The following SLC46A2 variants were observed in gnomAD, a reference collection of about 807,000 sequenced individuals.
SLC46A2 encodes thymic stromal co-transporter.
SLC46A2 carries 25 observed loss-of-function variants against 33.1 expected under a neutral mutation model. That is an observed-to-expected ratio of 0.76 (90% CI 0.55 to 1.06). SLC46A2 has a LOEUF of 1.06. Among genes scored for constraint, SLC46A2 ranks in the 50% least tolerant of loss-of-function variants. SLC46A2 has a pLI of 0.00. For missense variants in SLC46A2, 622 were observed against 621.7 expected, an observed-to-expected ratio of 1.00 and a Z score of 0.00; for synonymous variants, 254 against 275.9, an observed-to-expected ratio of 0.92 and a Z score of 0.79.
At chr9:112,886,730 C>T in intron 2 of SLC46A2, 114 bp from the exon 3 acceptor site, 2 of 1,106,748 alleles carry the variant, frequency 1.8e-6, no homozygotes, top group Admixed American at 2.4e-5. Flanking sequence ...CTCTCTCTCT[C>T]TCTCTTTTTT....
chr9:112,890,836 GCCGGCC>G lies in SLC46A2; in HGVS notation c.-161_-156del. ...AGTGTGCTCCGTGCGCCGGGAGCGC[GCCGGCC>G]AGTGGCGAGCAGAGCCAGGGCACGC... On this transcript the variant is annotated 5_prime_UTR_variant, in exon 1 of 4. Coordinates refer to ENST00000374228, the MANE Select transcript of SLC46A2 (RefSeq NM_033051.4). This position sits in a 1 kb window ranked among gnomAD's most constrained non-coding sequence, Gnocchi z 6.0. The G allele has an allele frequency of 2.5e-4, 228 of 914,898 alleles. No homozygotes were observed. The highest frequency in any genetic ancestry group is 3.4e-4 in the Non-Finnish European group (210 of 626,522). 56.7% of individuals were successfully genotyped at this position (914,898 alleles called of 1,614,324 possible). A position where few individuals can be genotyped will look rare whatever the true frequency, so the allele number is the denominator to read the frequency against.
chr9:112,882,685 G>T (rs1841595546), intron 3 of SLC46A2, among the ~76,000 whole-genome samples: 1 of 152,242 alleles, frequency 6.6e-6, no homozygotes, highest in African/African-American at 2.4e-5. Context: ...TGATTGATTG[G>T]AGGTGGGGGG....
chr9:112,879,967 AC>A, intron 3 of SLC46A2, 148 bp from the exon 4 acceptor site: 1 of 616,274 alleles, frequency 1.6e-6, no homozygotes. Context: ...GTGCACTGTG[AC>A]CCATCTCCCT....
chr9:112,886,654 T>A, intron 2 of SLC46A2, 38 bp from the exon 3 acceptor site: 1 of 1,610,446 alleles, frequency 6.2e-7, no homozygotes. Flanking sequence ...AGTGCCTTGC[T>A]GTCCCTGCCT....
rs770440273 is a variant in SLC46A2, at chr9:112,886,569, C to G, written c.1261G>C (p.Val421Leu). ...LQLSLALTGV[V>L]TSTLYNKIYQ... ...ATCTTGTTGTACAAGGTGGATGTCA[C>G]CACGCCGGTCAGAGCCAAGGACAGC... Residue 421 changes from valine (V) to leucine (L), a missense_variant, in exon 3 of 4, where the codon GTG becomes CTG. By Grantham distance (32) the Val-to-Leu change is conservative. Transcript: ENST00000374228. 1.2e-6 allele frequency: 2 copies of G among 1,613,988 alleles called. No homozygotes were observed. The highest frequency in any genetic ancestry group is 2.7e-5 in the African/African-American group (2 of 74,908).
At chr9:112,882,477 T>G (rs1350270661) in intron 3 of SLC46A2, among the ~76,000 whole-genome samples, 1 of 152,180 alleles carries the variant, frequency 6.6e-6, no homozygotes, top group Admixed American at 6.5e-5. Flanking sequence ...GGACATGACC[T>G]GATTCACACT....
chr9:112,887,304 C>A (rs763461530), intron 2 of SLC46A2, 26 bp downstream of exon 2: 2 of 1,606,750 alleles, frequency 1.2e-6, no homozygotes, highest in African/African-American at 2.7e-5. Context: ...GCAGAAGATT[C>A]CAGAGAGATT....
chr9:112,889,217 A>T (rs1841688910), intron 1 of SLC46A2, among the ~76,000 whole-genome samples: 1 of 152,078 alleles, frequency 6.6e-6, no homozygotes, highest in Non-Finnish European at 1.5e-5. Flanking sequence ...TAAAATGGCA[A>T]GGGGGTGTGG....
At position 112,890,253 on chromosome 9, in the gene SLC46A2, G is replaced by A. The variant is rs918444046; in HGVS notation, c.429C>T (p.Asn143=). ...AGGCGGAGAAGCCGCCGAATAGCCC[G>A]TTCAGCGCCGCCGCCCCGTACAGCA... ...VEVLYGAAAL[N]GLFGGFSAFW... The change falls in exon 1 of 4, where the codon AAC becomes AAT. Residue 143 remains asparagine, a synonymous_variant. Coordinates refer to ENST00000374228, the MANE Select transcript of SLC46A2 (RefSeq NM_033051.4). The surrounding 1 kb of genome is among the most constrained non-coding windows in gnomAD (Gnocchi z 6.0). The A allele has an allele frequency of 6.2e-7, 1 of 1,613,100 alleles. No homozygotes were observed. The highest frequency in any genetic ancestry group is 8.5e-7 in the Non-Finnish European group (1 of 1,179,888).
intron 3 of SLC46A2, among the ~76,000 whole-genome samples, chr9:112,880,654 C>G (rs1564303287): frequency 6.6e-6 from 1 of 152,188 alleles, no homozygotes; most frequent in Non-Finnish European, 1.5e-5. Context: ...TCGTTAAACA[C>G]TTTTTTCTGC....
At chr9:112,889,230 G>C (rs960184895) in intron 1 of SLC46A2, among the ~76,000 whole-genome samples, 3 of 152,072 alleles carry the variant, frequency 2.0e-5, no homozygotes, top group African/African-American at 7.2e-5. Context: ...GGGTGTGGGG[G>C]AAGAAACCCA....
chr9:112,882,099 G>T (rs529405378), intron 3 of SLC46A2, among the ~76,000 whole-genome samples: 22 of 152,016 alleles, frequency 1.4e-4, no homozygotes, highest in Middle Eastern at 3.4e-3. Flanking sequence ...TTCATTTTTT[G>T]TTGTTGTTGT....
chr9:112,889,724 C>T lies in SLC46A2; in HGVS notation c.958G>A (p.Val320Met), dbSNP rs1419497929. The change falls in exon 1 of 4, where the codon GTG becomes ATG. Residue 320 changes from valine (V) to methionine (M), a missense_variant. By Grantham distance (21) the Val-to-Met change is conservative (BLOSUM62 1). Coordinates refer to ENST00000374228, the MANE Select transcript of SLC46A2 (RefSeq NM_033051.4). ...TACCCTGCAGCCATACCATAGCCCA[C>T]CTGCACTTGGTTCCAACCGAGAGGC... Reference protein sequence around the residue: ...REPLGWNQVQVGYGMAAGYTI... With the variant: ...REPLGWNQVQMGYGMAAGYTI... 1.2e-6 allele frequency: 2 copies of T among 1,614,152 alleles called. No homozygotes were observed. The highest frequency in any genetic ancestry group is 1.7e-6 in the Non-Finnish European group (2 of 1,180,016).
chr9:112,885,309 T>C (rs1841628690), intron 3 of SLC46A2: 1 of 152,108 alleles, frequency 6.6e-6, no homozygotes, highest in Non-Finnish European at 1.5e-5. Context: ...TATTTTCTAC[T>C]CTGCTGCCTA....
At chr9:112,884,187 G>A (rs779336212) in intron 3 of SLC46A2, among the ~76,000 whole-genome samples, 13 of 152,212 alleles carry the variant, frequency 8.5e-5, no homozygotes, top group Non-Finnish European at 1.8e-4. Flanking sequence ...CCAGGAAGAG[G>A]TGCAGCCACA....
At position 112,879,495 on chromosome 9, in the gene SLC46A2, T is replaced by A. The variant is rs1268636109; in HGVS notation, c.*267A>T. The A allele has an allele frequency of 7.0e-6, 3 of 425,656 alleles. No individual in the cohort carries two copies. Among genetic ancestry groups the A allele is most frequent in the Non-Finnish European group, 1.3e-5 (3 of 229,472 alleles). The allele number at this position is 425,656 out of a possible 1,614,324, so 26.4% of individuals were successfully genotyped here. On this transcript the variant is annotated 3_prime_UTR_variant, in exon 4 of 4. Coordinates refer to ENST00000374228, the MANE Select transcript of SLC46A2 (RefSeq NM_033051.4). ...CTGTGTGCAGCCTGCCTGTAACCCT[T>A]AAGGTCATGCTCTGCTGTCACAGAA...
intron 3 of SLC46A2, among the ~76,000 whole-genome samples, chr9:112,884,536 C>T (rs1332017970): frequency 6.6e-6 from 1 of 152,164 alleles, no homozygotes; most frequent in African/African-American, 2.4e-5. Context: ...ATTTGAATCA[C>T]CTGGAGAGCT....
At chr9:112,888,004 G>A (rs1463864886) in intron 1 of SLC46A2, among the ~76,000 whole-genome samples, 3 of 152,196 alleles carry the variant, frequency 2.0e-5, no homozygotes, top group Middle Eastern at 3.4e-3. Context: ...ACAGCCAGGC[G>A]TGGCGGCTCA....
intron 2 of SLC46A2, among the ~76,000 whole-genome samples, 154 bp downstream of exon 2, chr9:112,887,176 C>T (rs1403782202): frequency 1.3e-5 from 2 of 152,196 alleles, no homozygotes; most frequent in Non-Finnish European, 2.9e-5. Context: ...CCCGTCTCCA[C>T]TCTCTGTGCC....
Sources: gnomAD v4.1 joint callset for allele counts (sites outside exome capture counted in the v4.1 genomes callset) on GRCh38, gnomAD v4.1.1 for gene constraint, Gnocchi (gnomAD v3.1) non-coding constraint, MANE v1.5 for transcripts, NCBI Gene and HGNC (gene_info 2026-07-23, HGNC 2026-07-21) for gene names.